Variants in LAMA3 observed in about 807,000 individuals in gnomAD.
LAMA3 encodes the protein laminin subunit alpha-3.
LAMA3 carries 281 observed loss-of-function variants against 402.0 expected under a neutral mutation model. The observed-to-expected ratio is 0.70, with a 90% CI of 0.63 to 0.77. The LOEUF (loss-of-function observed/expected upper bound fraction) is 0.77, where lower values mean the gene tolerates loss of function less well. Ranked by LOEUF, LAMA3 falls within the 30% of genes least tolerant of loss-of-function variation. LAMA3 has a pLI of 0.00. For missense variants in LAMA3, 3,840 were observed against 4,215.5 expected (o/e 0.91, Z 2.47); for synonymous variants, 1,431 against 1,558.4 (o/e 0.92, Z 1.93).
chr18:23,871,719 C>A (rs2064529238), intron 38 of LAMA3, 58 bp downstream of exon 38: 4 of 1,405,440 alleles, frequency 2.8e-6, no homozygotes, highest in Non-Finnish European at 3.9e-6. Context: ...CCGTTTTTGG[C>A]TGCTGTCCAG....
At chr18:23,712,310 C>T (rs1228039004) in intron 1 of LAMA3, among the ~76,000 whole-genome samples, 2 of 145,778 alleles carry the variant, frequency 1.4e-5, no homozygotes, top group South Asian at 2.2e-4. Context: ...AACCTGGGGG[C>T]GGAGGTTGCG....
chr18:23,929,869 C>T (rs1284914984), intron 64 of LAMA3, among the ~76,000 whole-genome samples: 2 of 152,108 alleles, frequency 1.3e-5, no homozygotes, highest in Admixed American at 6.5e-5. Context: ...ACAAAATGAT[C>T]GAGAGCAGAT....
chr18:23,950,093 T>A lies in LAMA3; in HGVS notation c.9576T>A (p.Thr3192=). The A allele has an allele frequency of 6.2e-7, 1 of 1,614,192 alleles. No individual in the cohort carries two copies. The highest frequency in any genetic ancestry group is 8.5e-7 in the Non-Finnish European group (1 of 1,180,044). The change falls in exon 72 of 75, where the codon ACT becomes ACA. Residue 3192 remains threonine (T), a synonymous_variant. Transcript: ENST00000313654. The part of the protein sequence containing the change: ...LVFSIRPRSL[T]GILIHIGSQP... ...TCAGCATCCGCCCAAGAAGTCTCAC[T>A]GGGATCCTAATACACATCGGAAGTC...
At chr18:23,698,727 C>T (rs1344700129) in intron 1 of LAMA3, among the ~76,000 whole-genome samples, 1 of 152,184 alleles carries the variant, frequency 6.6e-6, no homozygotes, top group Admixed American at 6.5e-5. Context: ...TGGGTAATGT[C>T]CATTCACTTC....
intron 2 of LAMA3, among the ~76,000 whole-genome samples, chr18:23,734,808 C>T (rs1195054226): frequency 1.3e-5 from 2 of 152,102 alleles, no homozygotes; most frequent in East Asian, 3.9e-4. Flanking sequence ...GAGTAGAATG[C>T]CAAGAAAAGA....
At chr18:23,817,064 T>C (rs1429877150) in intron 18 of LAMA3, among the ~76,000 whole-genome samples, 1 of 152,210 alleles carries the variant, frequency 6.6e-6, no homozygotes, top group Non-Finnish European at 1.5e-5. Context: ...GCCAAAGTTG[T>C]TCCCCAGGGT....
At chr18:23,800,854 AG>A (rs1479619054) in intron 12 of LAMA3, among the ~76,000 whole-genome samples, 1 of 152,212 alleles carries the variant, frequency 6.6e-6, no homozygotes, top group Non-Finnish European at 1.5e-5. Flanking sequence ...CATAAGTGAC[AG>A]GATTTCATTC....
At chr18:23,809,353 A>G (rs905762140) in intron 12 of LAMA3, among the ~76,000 whole-genome samples, 2 of 152,208 alleles carry the variant, frequency 1.3e-5, no homozygotes, top group South Asian at 2.1e-4. Flanking sequence ...GCCCTTTATT[A>G]GAGACTAATC....
chr18:23,810,296 CCG>C lies in LAMA3; in HGVS notation c.1604-69_1604-68del, dbSNP rs372519895. ...TCTGGCTCCACCCTCATGCTCTGCT[CCG>C]GGACGTGGTTCTTCCCCCTCCCATA... is the stretch of plus-strand genomic sequence containing the variant. On this transcript the variant is annotated intron_variant, in intron 12 of 74. Coordinates refer to ENST00000313654, the MANE Select transcript of LAMA3 (RefSeq NM_198129.4). The C allele has an allele frequency of 1.5e-4, 235 of 1,575,754 alleles. 2 individuals carry two copies. The African/African-American group carries it at 2.8e-3, about 19-fold the overall frequency.
At chr18:23,750,777 C>A in intron 4 of LAMA3, 141 bp from the exon 5 acceptor site, 2 of 818,160 alleles carry the variant, frequency 2.4e-6, no homozygotes, top group Non-Finnish European at 2.1e-6. Flanking sequence ...TAGACATAAA[C>A]AAGACCCAAG....
chr18:23,836,046 T>C (rs1248198697), intron 24 of LAMA3, among the ~76,000 whole-genome samples: 2 of 151,690 alleles, frequency 1.3e-5, no homozygotes, highest in Non-Finnish European at 2.9e-5. Flanking sequence ...ACTAAGTAAA[T>C]TACTTAGTAT....
At chr18:23,885,795 G>GC (rs778363162) in intron 41 of LAMA3, among the ~76,000 whole-genome samples, 15 of 151,736 alleles carry the variant, frequency 9.9e-5, no homozygotes, top group Non-Finnish European at 2.1e-4. Flanking sequence ...ACCAGTGAGG[G>GC]CCCCCCTACA....
rs755523684 is a variant in LAMA3 at position 23,763,543 on chromosome 18, A to G, written c.1182+20A>G. 1.5e-5 allele frequency: 21 copies of G among 1,368,034 alleles called. No homozygotes were observed. Among genetic ancestry groups the G allele is most frequent in the Non-Finnish European group, 2.0e-5 (19 of 955,418 alleles). 84.7% of individuals were successfully genotyped at this position (1,368,034 alleles called of 1,614,324 possible). A position where few individuals can be genotyped will look rare whatever the true frequency, so the allele number is the denominator to read the frequency against. ...TGTCAGGTGAGGCACTATTTAAATC[A>G]AAGTGGATGTGTTGTCATGGGGAAT... On this transcript the variant is annotated intron_variant, in intron 8 of 74. Transcript: ENST00000313654.
At chr18:23,812,348 G>C (rs1418693295) in intron 13 of LAMA3, among the ~76,000 whole-genome samples, 1 of 152,154 alleles carries the variant, frequency 6.6e-6, no homozygotes, top group Admixed American at 6.5e-5. Flanking sequence ...TCTCAAAAAA[G>C]AGAGTGAGAG....
At chr18:23,890,858 G>C (rs976407218) in intron 42 of LAMA3, among the ~76,000 whole-genome samples, 1 of 152,176 alleles carries the variant, frequency 6.6e-6, no homozygotes, top group Non-Finnish European at 1.5e-5. Context: ...GGTATTTATT[G>C]TCATGCCTCA....
At chr18:23,698,494 C>T (rs1252502891) in intron 1 of LAMA3, among the ~76,000 whole-genome samples, 1 of 152,158 alleles carries the variant, frequency 6.6e-6, no homozygotes, top group African/African-American at 2.4e-5. Context: ...CGTGAGCCAC[C>T]GCGCCCCACC....
intron 48 of LAMA3, among the ~76,000 whole-genome samples, chr18:23,902,712 C>G (rs1026457039): frequency 6.6e-6 from 1 of 152,194 alleles, no homozygotes; most frequent in African/African-American, 2.4e-5. Flanking sequence ...GTCTGTTTCA[C>G]AAACCAGATT....
At chr18:23,835,302 G>C (rs2063560142) in intron 24 of LAMA3, among the ~76,000 whole-genome samples, 1 of 152,192 alleles carries the variant, frequency 6.6e-6, no homozygotes, top group South Asian at 2.1e-4. Flanking sequence ...GATGGCTAAG[G>C]GGGCAGGAGG....
intron 56 of LAMA3, among the ~76,000 whole-genome samples, chr18:23,913,547 TA>T (rs1337336931): frequency 6.6e-6 from 1 of 152,244 alleles, no homozygotes; most frequent in African/African-American, 2.4e-5. Context: ...GAGGAAAAGC[TA>T]ATCACTCACT....
Sources: allele counts gnomAD v4.1 joint callset (sites outside exome capture counted in the v4.1 genomes callset), GRCh38; gene constraint gnomAD v4.1.1; transcripts MANE v1.5; gene names NCBI Gene and HGNC (gene_info 2026-07-23, HGNC 2026-07-21).